TTLL5: variants seen among roughly 807,000 people sequenced by gnomAD.
The protein encoded by TTLL5 is tubulin polyglutamylase TTLL5.
TTLL5 carries 132 observed loss-of-function variants against 168.4 expected under a neutral mutation model. That is an observed-to-expected ratio of 0.78 (90% CI 0.68 to 0.91). The LOEUF is 0.91. Among genes scored for constraint, TTLL5 ranks in the 40% least tolerant of loss-of-function variants. TTLL5 has a pLI of 0.00. For synonymous variants in TTLL5, 546 were observed against 558.6 expected (o/e 0.98, Z 0.32); for missense variants, 1,545 against 1,581.5 (o/e 0.98, Z 0.39).
intron 6 of TTLL5, among the ~76,000 whole-genome samples, chr14:75,694,924 G>A (rs1248887315): frequency 1.3e-5 from 2 of 152,106 alleles, no homozygotes; most frequent in Non-Finnish European, 2.9e-5. Flanking sequence ...AGGACCCTGT[G>A]ATAATTGCGT....
chr14:75,949,486 A>G (rs559100790), intron 31 of TTLL5, among the ~76,000 whole-genome samples: 1 of 148,304 alleles, frequency 6.7e-6, no homozygotes, highest in East Asian at 1.9e-4. Flanking sequence ...TAAAGAATAT[A>G]TATATATAAA....
intron 31 of TTLL5, among the ~76,000 whole-genome samples, chr14:75,914,614 CTCT>C (rs2033533215): frequency 7.4e-6 from 1 of 134,450 alleles, no homozygotes; most frequent in African/African-American, 2.8e-5. Context: ...TTGATCACTA[CTCT>C]TGTTTTTTTT....
intron 31 of TTLL5, among the ~76,000 whole-genome samples, chr14:75,909,238 T>G (rs2033269610): frequency 6.7e-6 from 1 of 149,928 alleles, no homozygotes; most frequent in South Asian, 2.1e-4. Context: ...ACACCCAACC[T>G]CCTTATCAAA....
chr14:75,817,576 T>C (rs1409572175), intron 27 of TTLL5, among the ~76,000 whole-genome samples: 1 of 152,170 alleles, frequency 6.6e-6, no homozygotes, highest in African/African-American at 2.4e-5. Context: ...ACCTTTTTTC[T>C]TTCAGAATTT....
intron 20 of TTLL5, among the ~76,000 whole-genome samples, chr14:75,769,568 C>G (rs772497607): frequency 6.6e-6 from 1 of 152,128 alleles, no homozygotes; most frequent in Non-Finnish European, 1.5e-5. Flanking sequence ...AACAGTGATT[C>G]ACAACAAAAC....
intron 5 of TTLL5, among the ~76,000 whole-genome samples, chr14:75,687,463 G>T (rs192010044): frequency 2.0e-5 from 3 of 151,908 alleles, no homozygotes; most frequent in African/African-American, 7.3e-5. Flanking sequence ...TAGTAGAGAC[G>T]GGGTTTCATC....
chr14:75,849,697 G>A (rs1458686909), intron 28 of TTLL5, among the ~76,000 whole-genome samples: 1 of 152,216 alleles, frequency 6.6e-6, no homozygotes, highest in Admixed American at 6.5e-5. Context: ...TTTGGTAAGA[G>A]AAGACCAGGG....
intron 15 of TTLL5, among the ~76,000 whole-genome samples, chr14:75,738,733 G>A (rs761967050): frequency 1.3e-5 from 2 of 152,156 alleles, no homozygotes; most frequent in Non-Finnish European, 2.9e-5. Context: ...GAGTACGTTA[G>A]GAAAGGGGTA....
rs1481565407 is a variant in TTLL5 at position 75,882,690 on chromosome 14, CTT to C, written c.3530_3531del (p.Phe1177TrpfsTer7). The stretch of plus-strand genomic sequence containing the variant: ...TTTTCCTTTTTTTTTTGTAGGCAAT[CTT>C]TGGCAGCCAGACACTACCTAACTCC... ...DQSRARHQAI[F>X]GSQTLPNSNL... is the part of the protein sequence containing the mutation. On this transcript the variant is annotated frameshift_variant, in exon 30 of 32. Coordinates refer to ENST00000298832, the MANE Select transcript of TTLL5 (RefSeq NM_015072.5). LOFTEE classifies it high-confidence loss of function. The C allele has an allele frequency of 3.7e-6, 6 of 1,601,336 alleles. No homozygotes were observed. The highest frequency in any genetic ancestry group is 5.1e-6 in the Non-Finnish European group (6 of 1,174,116).
At chr14:75,927,290 A>T (rs2034106004) in intron 31 of TTLL5, among the ~76,000 whole-genome samples, 1 of 152,188 alleles carries the variant, frequency 6.6e-6, no homozygotes, top group South Asian at 2.1e-4. Context: ...CAATTAAGTT[A>T]TTGTTAACTA....
chr14:75,751,492 C>T lies in TTLL5; in HGVS notation c.1488-1401C>T, dbSNP rs139141522. The stretch of plus-strand genomic sequence containing the variant: ...GCCTGGAGTGTCTACAGTGCAGAGA[C>T]GCTGGACAAAGGGATGATCCACATT... On this transcript the variant is annotated intron_variant, in intron 17 of 31. Transcript: ENST00000298832. 9.2e-5 allele frequency among the ~76,000 whole-genome samples: 14 copies of T among 152,252 alleles called. 1 individual carries two copies. The East Asian group carries it at 9.7e-4, about 10-fold the overall frequency.
rs141158859 is a variant in TTLL5, at chr14:75,662,348, G to A, written c.-95-707G>A. ...TTTGTTGTTTTTTTTTTTTTGAGAC[G>A]GAGTTCACTCTTGTTGCCCAGGCTG... On this transcript the variant is annotated intron_variant, in intron 1 of 31. Transcript: ENST00000298832. Among the ~76,000 whole-genome samples, 646 of 149,790 alleles carry A rather than the reference G, an allele frequency of 4.3e-3. 4 individuals carry two copies. The highest frequency in any genetic ancestry group is 0.015 in the African/African-American group (620 of 40,796).
chr14:75,888,352 G>A (rs1423590914), intron 30 of TTLL5, among the ~76,000 whole-genome samples: 1 of 152,168 alleles, frequency 6.6e-6, no homozygotes, highest in East Asian at 1.9e-4. Context: ...ATTAAAATCC[G>A]ACTTCTCATG....
intron 31 of TTLL5, among the ~76,000 whole-genome samples, chr14:75,927,592 A>G (rs1044916526): frequency 2.6e-5 from 4 of 152,168 alleles, no homozygotes; most frequent in African/African-American, 9.7e-5. Context: ...TCGTCCAACA[A>G]ATAATTTGAC....
chr14:75,702,679 T>A (rs1886362232), intron 7 of TTLL5, among the ~76,000 whole-genome samples: 2 of 152,078 alleles, frequency 1.3e-5, no homozygotes, highest in African/African-American at 4.8e-5. Context: ...AGAGAATGTG[T>A]TTGGCAGGCT....
chr14:75,750,301 G>T (rs991309767), intron 17 of TTLL5, among the ~76,000 whole-genome samples: 2 of 151,886 alleles, frequency 1.3e-5, no homozygotes, highest in Admixed American at 6.6e-5. Flanking sequence ...GTGTAGTACA[G>T]TAGAAAACTG....
chr14:75,791,805 A>C (rs1892745593), intron 26 of TTLL5, among the ~76,000 whole-genome samples: 1 of 152,236 alleles, frequency 6.6e-6, no homozygotes, highest in Non-Finnish European at 1.5e-5. Flanking sequence ...ATTAGCATTA[A>C]TTTTAAAAAG....
At chr14:75,827,035 A>G (rs1217340833) in intron 28 of TTLL5, among the ~76,000 whole-genome samples, 9 of 152,198 alleles carry the variant, frequency 5.9e-5, no homozygotes, top group Non-Finnish European at 8.8e-5. Context: ...TGCTAATAAG[A>G]AAAAACTCCC....
At chr14:75,848,000 C>T (rs563365138) in intron 28 of TTLL5, among the ~76,000 whole-genome samples, 3 of 146,914 alleles carry the variant, frequency 2.0e-5, no homozygotes, top group African/African-American at 7.6e-5. Context: ...CTTGTGATTT[C>T]TCTGGTATTT....
Sources: gnomAD v4.1 joint callset for allele counts (sites outside exome capture counted in the v4.1 genomes callset) on GRCh38, gnomAD v4.1.1 for gene constraint, MANE v1.5 for transcripts, NCBI Gene and HGNC (gene_info 2026-07-23, HGNC 2026-07-21) for gene names.